Variants in HIVEP3 observed in about 807,000 individuals in gnomAD.
The protein encoded by HIVEP3 is HIVEP zinc finger 3.
Under a neutral mutation model 152.8 loss-of-function variants are expected in HIVEP3, and 49 were observed. That is an observed-to-expected ratio of 0.32 (90% CI 0.26 to 0.41). HIVEP3 has a LOEUF of 0.41. HIVEP3 is among the 10% of genes least tolerant of loss of function. HIVEP3 has a pLI of 1.00. For synonymous variants in HIVEP3, 1,269 were observed against 1,289.0 expected, an observed-to-expected ratio of 0.98 and a Z score of 0.33; for missense variants, 2,790 against 3,103.3, an observed-to-expected ratio of 0.90 and a Z score of 2.40.
At chr1:41,676,814 G>T (rs1645964344) in intron 2 of HIVEP3, among the ~76,000 whole-genome samples, 1 of 152,164 alleles carries the variant, frequency 6.6e-6, no homozygotes, top group Admixed American at 6.5e-5. Context: ...AGTGACCCAG[G>T]AGTAGTCATG....
At chr1:41,564,503 A>T (rs1020634836) in intron 5 of HIVEP3, among the ~76,000 whole-genome samples, 12 of 152,310 alleles carry the variant, frequency 7.9e-5, no homozygotes, top group Admixed American at 1.3e-4. Context: ...TCACTGTGAG[A>T]CGTCATGTTC....
At chr1:41,530,057 T>A (rs188114547) in intron 5 of HIVEP3, among the ~76,000 whole-genome samples, 3 of 151,224 alleles carry the variant, frequency 2.0e-5, no homozygotes, top group East Asian at 2.0e-4. Context: ...CCTGGCACAC[T>A]CACCCTCACC....
At chr1:41,742,374 A>G (rs747265978) in intron 1 of HIVEP3, among the ~76,000 whole-genome samples, 5 of 152,126 alleles carry the variant, frequency 3.3e-5, no homozygotes, top group Non-Finnish European at 5.9e-5. Flanking sequence ...GCTTCCGCAT[A>G]CTCTGCTGCT....
At chr1:41,698,519 GT>G (rs930957232) in intron 2 of HIVEP3, among the ~76,000 whole-genome samples, 3 of 152,172 alleles carry the variant, frequency 2.0e-5, no homozygotes, top group African/African-American at 7.2e-5. Flanking sequence ...CTGACCCTGG[GT>G]GTGATCTTTC....
intron 2 of HIVEP3, among the ~76,000 whole-genome samples, chr1:41,631,657 C>G (rs1298004699): frequency 6.6e-6 from 1 of 152,134 alleles, no homozygotes; most frequent in African/African-American, 2.4e-5. Context: ...CCTCCTACCC[C>G]CAGGGCAGCA....
intron 1 of HIVEP3, among the ~76,000 whole-genome samples, chr1:41,870,511 C>A (rs1319037359): frequency 6.6e-6 from 1 of 152,158 alleles, no homozygotes; most frequent in Non-Finnish European, 1.5e-5. Context: ...TGGTAGGCAT[C>A]CTGTCCATAC....
rs1202130014 is a variant in HIVEP3, at chr1:41,664,379, T to A, written c.-720-35432A>T. Among the ~76,000 whole-genome samples the A allele has an allele frequency of 6.6e-6, 1 of 152,216 alleles. No individual in the cohort carries two copies. The highest frequency in any genetic ancestry group is 2.4e-5 in the African/African-American group (1 of 41,452). On this transcript the variant is annotated intron_variant, in intron 2 of 8. Coordinates refer to ENST00000372583, the MANE Select transcript of HIVEP3 (RefSeq NM_024503.5). The surrounding 1 kb of genome is among the most constrained non-coding windows in gnomAD (Gnocchi z 4.4). Reference sequence around the variant, plus strand: ...TGACAGCCTTGCTCCTGCCCCAAGTTGAATGACATCCTCCTCCCCTTTGAG... The same window carrying A: ...TGACAGCCTTGCTCCTGCCCCAAGTAGAATGACATCCTCCTCCCCTTTGAG...
rs771746007 is a variant in HIVEP3, at chr1:41,510,741, G to A, written c.6931C>T (p.Pro2311Ser). The change falls in exon 9 of 9, where the codon CCA (proline) becomes TCA (serine). Residue 2311 changes from proline to serine, a missense_variant. Physicochemically the swap from Pro to Ser is moderately conservative, Grantham distance 74. Around this residue, in one of 9 missense-constraint regions of HIVEP3, gnomAD observed 816 missense variants for 806.5 expected, o/e 1.01. Transcript: ENST00000372583. ...GGCGGCCGGGGCAAGGTGTCGGGTG[G>A]GGTGCAGGGGCTGTGCGTGGGTGTG... Reference protein sequence around the residue: ...EPTPTHSPCTPPDTLPRPPQG... With the variant: ...EPTPTHSPCTSPDTLPRPPQG... The A allele has an allele frequency of 2.6e-6, 4 of 1,565,606 alleles. No homozygotes were observed. The East Asian group carries it at 9.3e-5, about 36-fold the overall frequency.
chr1:41,544,866 A>T (rs1157988205), intron 5 of HIVEP3, among the ~76,000 whole-genome samples: 16 of 122,306 alleles, frequency 1.3e-4, no homozygotes, highest in African/African-American at 5.0e-4. Flanking sequence ...CACCACCACC[A>T]CCACCACCAC....
At chr1:41,901,874 G>A (rs1310533316) in intron 1 of HIVEP3, among the ~76,000 whole-genome samples, 1 of 152,148 alleles carries the variant, frequency 6.6e-6, no homozygotes, top group Non-Finnish European at 1.5e-5. Flanking sequence ...TTGTTTACTT[G>A]TGAATTGCCT....
chr1:41,529,366 C>T (rs374214445), intron 5 of HIVEP3, among the ~76,000 whole-genome samples: 2 of 141,198 alleles, frequency 1.4e-5, no homozygotes, highest in Non-Finnish European at 3.1e-5. Context: ...CACACTCACA[C>T]GCTCACCCTC....
chr1:41,724,483 G>A (rs780909382), intron 1 of HIVEP3, among the ~76,000 whole-genome samples: 1 of 152,226 alleles, frequency 6.6e-6, no homozygotes, highest in African/African-American at 2.4e-5. Context: ...TTCTCCAGAT[G>A]AGAAAACCAA....
intron 2 of HIVEP3, among the ~76,000 whole-genome samples, chr1:41,647,750 G>T (rs1645483002): frequency 6.6e-6 from 1 of 152,208 alleles, no homozygotes; most frequent in Non-Finnish European, 1.5e-5. Context: ...CACTGCCTCT[G>T]AGCCACAAGT....
chr1:41,567,883 T>A (rs908635752), intron 5 of HIVEP3, among the ~76,000 whole-genome samples: 1 of 152,228 alleles, frequency 6.6e-6, no homozygotes, highest in Non-Finnish European at 1.5e-5. Context: ...GGCTGATGGA[T>A]GGGTTCTCAC....
intron 1 of HIVEP3, among the ~76,000 whole-genome samples, chr1:41,998,885 C>CT (rs1233337127): frequency 3.6e-5 from 2 of 55,232 alleles, no homozygotes; most frequent in East Asian, 2.8e-3. Context: ...ACTTTTCTCT[C>CT]TCTCTTTTTT....
chr1:41,593,753 C>T (rs1407261047), intron 3 of HIVEP3, among the ~76,000 whole-genome samples: 1 of 152,252 alleles, frequency 6.6e-6, no homozygotes, highest in Non-Finnish European at 1.5e-5. Context: ...GAAATTACCA[C>T]AAATTTAGTG....
chr1:41,831,141 T>A (rs1642952873), intron 1 of HIVEP3, among the ~76,000 whole-genome samples: 1 of 152,180 alleles, frequency 6.6e-6, no homozygotes, highest in South Asian at 2.1e-4. Flanking sequence ...CACTACTATC[T>A]CCAGCTTCTA....
At chr1:41,518,325 A>G in intron 7 of HIVEP3, 77 bp downstream of exon 7, 2 of 1,226,774 alleles carry the variant, frequency 1.6e-6, no homozygotes, top group Admixed American at 1.7e-5. Flanking sequence ...GAAGCAGGGA[A>G]GGCAAGCAGG....
At chr1:41,779,620 C>T (rs573899413) in intron 1 of HIVEP3, among the ~76,000 whole-genome samples, 13 of 152,232 alleles carry the variant, frequency 8.5e-5, no homozygotes, top group Non-Finnish European at 1.6e-4. Flanking sequence ...TTCGGCCTCC[C>T]GAATAGCTGG....
Sources: gnomAD v4.1 joint callset for allele counts (sites outside exome capture counted in the v4.1 genomes callset) on GRCh38, gnomAD v4.1.1 for gene constraint, gnomAD v4.1.1 regional missense constraint, Gnocchi (gnomAD v3.1) non-coding constraint, MANE v1.5 for transcripts, NCBI Gene and HGNC (gene_info 2026-07-23, HGNC 2026-07-21) for gene names.